The following OPA3 variants were observed in gnomAD, a reference collection of about 807,000 sequenced individuals.
The protein encoded by OPA3 is outer mitochondrial membrane lipid metabolism regulator OPA3.
OPA3 carries 6 observed loss-of-function variants against 4.0 expected under a neutral mutation model. The observed-to-expected ratio is 1.51, with a 90% CI of 0.83 to 2.99. OPA3 has a LOEUF of 2.99. Among genes scored for constraint, OPA3 ranks in the 30% most tolerant of loss-of-function variants. The pLI, the probability that OPA3 is intolerant of heterozygous loss-of-function variation, is 0.00. For missense variants in OPA3, 235 were observed against 256.2 expected (o/e 0.92, Z 0.56); for synonymous variants, 105 against 117.1 (o/e 0.90, Z 0.67).
chr19:45,541,065 GA>G, intron 1 of OPA3, among the ~76,000 whole-genome samples: 1 of 152,286 alleles, frequency 6.6e-6, no homozygotes, highest in Admixed American at 6.5e-5. Flanking sequence ...GCCTGCAACA[GA>G]AACTGGAGAA....
Position 45,547,244 on chromosome 19 carries a change from CT to C in OPA3, c.*6269del. On this transcript the variant is annotated 3_prime_UTR_variant, in exon 2 of 2. Transcript: ENST00000263275. ...CTTGCCTGGCCCCCTCACCTAACTT[CT>C]CCCCTCGCTTACTCTATTCCAGGGG... 1 of 152,370 alleles carries C rather than the reference CT, an allele frequency of 6.6e-6. No homozygotes were observed. Among genetic ancestry groups the C allele is most frequent in the African/African-American group, 2.4e-5 (1 of 41,566 alleles). The allele number at this position is 152,370 out of a possible 1,614,324, so 9.4% of individuals were successfully genotyped here.
chr19:45,576,422 G>A (rs1417696836), intron 1 of OPA3, among the ~76,000 whole-genome samples: 4 of 151,638 alleles, frequency 2.6e-5, no homozygotes, highest in Admixed American at 2.6e-4. Flanking sequence ...GTGGTGGTGG[G>A]TGCTACTCAG....
Position 45,546,529 on chromosome 19 carries a change from T to A in OPA3, c.*6985A>T. On this transcript the variant is annotated 3_prime_UTR_variant, in exon 2 of 2. Coordinates refer to ENST00000263275, the MANE Select transcript of OPA3 (RefSeq NM_025136.4). ...TTTTTTTTTTGAGACAGGGTCTCACTTTGTCTCCCAGGTTGAGGTGCTGTG... is the reference window on the plus strand; with the variant it reads ...TTTTTTTTTTGAGACAGGGTCTCACATTGTCTCCCAGGTTGAGGTGCTGTG... 2.3e-6 allele frequency: 1 copy of A among 432,010 alleles called. No homozygotes were observed. Among genetic ancestry groups the A allele is most frequent in the Non-Finnish European group, 3.1e-6 (1 of 324,996 alleles). 26.8% of individuals were successfully genotyped at this position (432,010 alleles called of 1,614,324 possible). A position where few individuals can be genotyped will look rare whatever the true frequency, so the allele number is the denominator to read the frequency against.
intron 1 of OPA3, among the ~76,000 whole-genome samples, chr19:45,561,032 G>A (rs1027279346): frequency 1.3e-5 from 2 of 152,088 alleles, no homozygotes; most frequent in East Asian, 1.9e-4. Context: ...GGGCTCGGGA[G>A]CTTATGCACA....
chr19:45,563,926 G>A (rs1969542719), intron 1 of OPA3, among the ~76,000 whole-genome samples: 1 of 150,888 alleles, frequency 6.6e-6, no homozygotes, highest in Non-Finnish European at 1.5e-5. Flanking sequence ...CTGAGCTCAA[G>A]CAATCGGCCT....
At chr19:45,557,192 G>C (rs117404615) in intron 1 of OPA3, among the ~76,000 whole-genome samples, 1,632 of 152,296 alleles carry the variant, frequency 0.011, 12 homozygotes, top group Non-Finnish European at 0.018. Context: ...GCCAGCAGGT[G>C]GGTCTAGGTG....
At position 45,553,709 on chromosome 19, in the gene OPA3, C is replaced by G; in HGVS notation, c.345G>C (p.Gln115His). The G allele has an allele frequency of 6.2e-7, 1 of 1,608,864 alleles. No homozygotes were observed. The highest frequency in any genetic ancestry group is 8.5e-7 in the Non-Finnish European group (1 of 1,179,280). The change falls in exon 2 of 2, where the codon CAG becomes CAC. Residue 115 changes from glutamine (Q) to histidine (H), a missense_variant. Coordinates refer to ENST00000263275, the MANE Select transcript of OPA3 (RefSeq NM_025136.4). ...CCCGCAGCGCGTTCCAGGCAGCACG[C>G]TGCTCCTCCTCCTTGTGGCGCTGCT... is the stretch of plus-strand genomic sequence containing the variant. ...QAQQRHKEEE[Q>H]RAAWNALRDE...
chr19:45,579,214 A>G (rs1951368655), intron 1 of OPA3, among the ~76,000 whole-genome samples: 1 of 152,026 alleles, frequency 6.6e-6, no homozygotes, highest in Admixed American at 6.6e-5. Flanking sequence ...GCTATCTAAT[A>G]TACTTCATCT....
intron 1 of OPA3, 108 bp downstream of exon 1, chr19:45,584,515 G>C (rs950950627): frequency 6.6e-6 from 10 of 1,506,204 alleles, no homozygotes; most frequent in Non-Finnish European, 9.0e-6. Flanking sequence ...ACTGGACTTT[G>C]CCGGTTCGGG....
At chr19:45,579,263 C>T (rs553376134) in intron 1 of OPA3, among the ~76,000 whole-genome samples, 90 of 152,292 alleles carry the variant, frequency 5.9e-4, no homozygotes, top group African/African-American at 2.1e-3. Context: ...CTCTGTCACC[C>T]AGGCTGGAGT....
chr19:45,530,131 C>T (rs1339607662), intron 1 of OPA3, among the ~76,000 whole-genome samples: 1 of 152,090 alleles, frequency 6.6e-6, no homozygotes, highest in East Asian at 1.9e-4. Flanking sequence ...AGGTGGGTGG[C>T]TCAGTTGAGA....
At chr19:45,576,753 T>C (rs1317636973) in intron 1 of OPA3, among the ~76,000 whole-genome samples, 1 of 152,108 alleles carries the variant, frequency 6.6e-6, no homozygotes, top group Non-Finnish European at 1.5e-5. Flanking sequence ...CTCTCTTGCC[T>C]CCCTCTTTCC....
chr19:45,566,057 A>C (rs1169739486), intron 1 of OPA3, among the ~76,000 whole-genome samples: 2 of 152,248 alleles, frequency 1.3e-5, no homozygotes, highest in Non-Finnish European at 2.9e-5. Flanking sequence ...AATATTAGCA[A>C]ACGAAAGCCA....
chr19:45,581,045 T>C (rs1276251730), intron 1 of OPA3, among the ~76,000 whole-genome samples: 6 of 152,254 alleles, frequency 3.9e-5, no homozygotes, highest in Non-Finnish European at 7.3e-5. Context: ...TCTCTGCGTA[T>C]GACCTGAGCA....
rs1268449086 is a variant in OPA3, at chr19:45,549,031, C to T, written c.*4483G>A. ...TGTTGATCAGGTTGGTCTTGAACTC[C>T]TGACCTCAGGTGATCCACCCACCCT... On this transcript the variant is annotated 3_prime_UTR_variant, in exon 2 of 2. Transcript: ENST00000263275. The T allele has an allele frequency of 2.8e-6, 2 of 715,176 alleles. No homozygotes were observed. The highest frequency in any genetic ancestry group is 2.7e-4 in the East Asian group (2 of 7,506). The allele number at this position is 715,176 out of a possible 1,614,324, so 44.3% of individuals were successfully genotyped here. A position where few individuals can be genotyped will look rare whatever the true frequency, so the allele number is the denominator to read the frequency against.
At chr19:45,537,410 A>AAAAAAAAAAAAAAAAAAAAAAAACAAG (rs1555730890) in intron 1 of OPA3, among the ~76,000 whole-genome samples, 3 of 120,056 alleles carry the variant, frequency 2.5e-5, no homozygotes, top group Non-Finnish European at 5.1e-5. Context: ...AAAAAAAAAA[A>AAAAAAAAAAAAAAAAAAAAAAAACAAG]AAAAAAAAAA....
downstream of OPA3, among the ~76,000 whole-genome samples, chr19:45,543,918 CAG>C (rs2122403243): frequency 6.6e-6 from 1 of 152,300 alleles, no homozygotes; most frequent in South Asian, 2.1e-4. Flanking sequence ...GATATCCTTC[CAG>C]TAAGTTCTTT....
chr19:45,545,021 C>A, downstream of OPA3, among the ~76,000 whole-genome samples: 1 of 150,076 alleles, frequency 6.7e-6, no homozygotes. Context: ...AAAAATTAGC[C>A]AGGCATGGTG....
chr19:45,549,788 T>G lies in OPA3; in HGVS notation c.*3726A>C. On this transcript the variant is annotated 3_prime_UTR_variant, in exon 2 of 2. Transcript: ENST00000263275. ...AGCTGGCCTGGGTCACTCCCAGTTT[T>G]AAACACAGCCCACTCAGGACCCACT... 3 of 985,446 alleles carry G rather than the reference T, an allele frequency of 3.0e-6. No individual in the cohort carries two copies. Among genetic ancestry groups the G allele is most frequent in the Non-Finnish European group, 3.6e-6 (3 of 830,030 alleles). The allele number at this position is 985,446 out of a possible 1,614,324, so 61.0% of individuals were successfully genotyped here.
Sources: gnomAD v4.1 joint callset for allele counts (sites outside exome capture counted in the v4.1 genomes callset) on GRCh38, gnomAD v4.1.1 for gene constraint, MANE v1.5 for transcripts, NCBI Gene and HGNC (gene_info 2026-07-23, HGNC 2026-07-21) for gene names.